The following FAM193A variants were observed in gnomAD, a reference collection of about 807,000 sequenced individuals.
The protein encoded by FAM193A is protein FAM193A.
FAM193A carries 22 observed loss-of-function variants against 126.5 expected under a neutral mutation model. That is an observed-to-expected ratio of 0.17 (90% CI 0.12 to 0.25). The LOEUF (loss-of-function observed/expected upper bound fraction) is 0.25, where lower values mean the gene tolerates loss of function less well. FAM193A is among the 10% of genes least tolerant of loss of function. FAM193A has a pLI of 1.00. For synonymous variants in FAM193A, 761 were observed against 646.8 expected (o/e 1.18, Z -2.68); for missense variants, 1,675 against 1,672.8 (o/e 1.00, Z -0.02).
intron 7 of FAM193A, among the ~76,000 whole-genome samples, chr4:2,650,751 A>G (rs1745581527): frequency 1.3e-5 from 2 of 152,154 alleles, no homozygotes; most frequent in African/African-American, 2.4e-5. Context: ...AAACCTCCCA[A>G]GTGCATAGGA....
chr4:2,723,787 G>A (rs940465004), intron 20 of FAM193A, among the ~76,000 whole-genome samples: 1 of 145,838 alleles, frequency 6.9e-6, no homozygotes, highest in African/African-American at 2.5e-5. Context: ...GAGGGTTGGG[G>A]TTTCTGGGTT....
intron 5 of FAM193A, among the ~76,000 whole-genome samples, chr4:2,636,718 A>G (rs899553156): frequency 3.9e-5 from 6 of 152,226 alleles, no homozygotes; most frequent in Non-Finnish European, 8.8e-5. Context: ...AACAGCAGCA[A>G]ATGCAAATTT....
chr4:2,638,151 A>T (rs891239469), intron 5 of FAM193A, among the ~76,000 whole-genome samples: 1 of 152,286 alleles, frequency 6.6e-6, no homozygotes, highest in African/African-American at 2.4e-5. Flanking sequence ...CTAGTTGCCA[A>T]CCTGGTCTGA....
At chr4:2,537,356 C>T (rs1736942560) in intron 1 of FAM193A, among the ~76,000 whole-genome samples, 186 bp downstream of exon 1, 1 of 152,186 alleles carries the variant, frequency 6.6e-6, no homozygotes. Context: ...GTGGGCCGTG[C>T]TCGGCGTGAC....
At chr4:2,622,899 G>A (rs1742641167) in intron 2 of FAM193A, among the ~76,000 whole-genome samples, 1 of 152,082 alleles carries the variant, frequency 6.6e-6, no homozygotes, top group Admixed American at 6.5e-5. Context: ...GCGGGCGGGG[G>A]CACAAACATT....
chr4:2,637,005 A>G (rs147844285), intron 5 of FAM193A, among the ~76,000 whole-genome samples: 82 of 152,242 alleles, frequency 5.4e-4, no homozygotes, highest in Admixed American at 1.2e-3. Context: ...AATGAGTCAT[A>G]TTTTTTGTAT....
upstream of FAM193A, chr4:2,536,585 G>T (rs1385999212): frequency 7.4e-6 from 1 of 134,506 alleles, no homozygotes; most frequent in South Asian, 2.6e-4. Flanking sequence ...GGGGTGGGGG[G>T]TGGGGGCCCA....
intron 13 of FAM193A, among the ~76,000 whole-genome samples, chr4:2,679,485 T>A (rs1714843861): frequency 6.6e-6 from 1 of 151,226 alleles, no homozygotes; most frequent in South Asian, 2.1e-4. Flanking sequence ...GTTCATGTGA[T>A]TCTCCTGCCT....
At chr4:2,707,211 T>C (rs979811809) in intron 19 of FAM193A, among the ~76,000 whole-genome samples, 6 of 152,222 alleles carry the variant, frequency 3.9e-5, no homozygotes, top group African/African-American at 1.4e-4. Flanking sequence ...CTTTATGATA[T>C]TGATCATTCC....
chr4:2,566,460 C>T (rs937465497), intron 1 of FAM193A, among the ~76,000 whole-genome samples: 4 of 152,070 alleles, frequency 2.6e-5, no homozygotes, highest in African/African-American at 7.2e-5. Context: ...GAGGATGAGG[C>T]GGACGGATCA....
At chr4:2,660,150 A>G (rs928251550) in intron 10 of FAM193A, 96 bp downstream of exon 10, 12 of 1,342,222 alleles carry the variant, frequency 8.9e-6, no homozygotes, top group African/African-American at 2.9e-5. Context: ...GAACATCATT[A>G]TTGTGCTTTT....
intron 2 of FAM193A, among the ~76,000 whole-genome samples, chr4:2,597,436 C>T (rs974853409): frequency 2.6e-5 from 4 of 152,154 alleles, no homozygotes; most frequent in African/African-American, 9.7e-5. Flanking sequence ...TCTTCCGACT[C>T]CAGCCCTGCT....
intron 20 of FAM193A, among the ~76,000 whole-genome samples, chr4:2,727,248 T>C (rs1382226987): frequency 6.6e-6 from 1 of 151,438 alleles, no homozygotes; most frequent in Non-Finnish European, 1.5e-5. Context: ...ACAGCAAGAC[T>C]CCGTCTCAAA....
chr4:2,697,250 G>T (rs56128511), intron 18 of FAM193A, among the ~76,000 whole-genome samples: 4 of 152,184 alleles, frequency 2.6e-5, no homozygotes, highest in African/African-American at 9.7e-5. Flanking sequence ...CAGCTACTCA[G>T]GAGGCTCAGG....
chr4:2,723,257 G>GA (rs1195927424), intron 20 of FAM193A, among the ~76,000 whole-genome samples: 3 of 151,888 alleles, frequency 2.0e-5, no homozygotes, highest in Non-Finnish European at 4.4e-5. Context: ...CTGGGCAACA[G>GA]AGCGAGACTC....
At chr4:2,561,487 G>T (rs1490950613) in intron 1 of FAM193A, among the ~76,000 whole-genome samples, 1 of 129,666 alleles carries the variant, frequency 7.7e-6, no homozygotes, top group East Asian at 2.5e-4. Context: ...CTGGCTGCTT[G>T]TAGAGATTTC....
chr4:2,693,527 T>C (rs2109278670), intron 15 of FAM193A, 59 bp from the exon 16 acceptor site: 1 of 1,518,372 alleles, frequency 6.6e-7, no homozygotes, highest in East Asian at 2.3e-5. Flanking sequence ...TCAGATTTTC[T>C]ACAGGTTTGA....
chr4:2,614,645 C>CT (rs1742078446), intron 2 of FAM193A, among the ~76,000 whole-genome samples: 1 of 152,134 alleles, frequency 6.6e-6, no homozygotes, highest in Admixed American at 6.5e-5. Flanking sequence ...TGTATTTTCT[C>CT]TTTGATTTTC....
At chr4:2,603,052 T>G (rs1311727642) in intron 2 of FAM193A, among the ~76,000 whole-genome samples, 1 of 128,990 alleles carries the variant, frequency 7.8e-6, no homozygotes, top group Non-Finnish European at 1.6e-5. Context: ...CACTGCAGGC[T>G]CCGCCTTCTG....
Sources: allele counts gnomAD v4.1 joint callset (sites outside exome capture counted in the v4.1 genomes callset), GRCh38; gene constraint gnomAD v4.1.1; transcripts MANE v1.5; gene names NCBI Gene and HGNC (gene_info 2026-07-23, HGNC 2026-07-21).